Variants in HRAS observed in about 807,000 individuals in gnomAD.
HRAS encodes the protein GTPase HRas.
Under a neutral mutation model 19.8 loss-of-function variants are expected in HRAS, and 11 were observed. That is an observed-to-expected ratio of 0.55 (90% CI 0.35 to 0.92). HRAS has a LOEUF of 0.92. HRAS is among the 40% of genes least tolerant of loss of function. The pLI is 0.01. For synonymous variants in HRAS, 149 were observed against 105.5 expected (o/e 1.41, Z -2.52); for missense variants, 204 against 255.9 (o/e 0.80, Z 1.38).
intron 1 of HRAS, 172 bp from the exon 2 acceptor site, chr11:534,547 G>A (rs1379111991): frequency 1.0e-5 from 6 of 594,228 alleles, no homozygotes; most frequent in Non-Finnish European, 1.8e-5. Context: ...CGTGCGGGAG[G>A]GCTGTCGCCT....
intron 3 of HRAS, 22 bp from the exon 4 acceptor site, chr11:533,634 C>A (rs2133988405): frequency 1.2e-6 from 2 of 1,613,582 alleles, no homozygotes; most frequent in South Asian, 1.1e-5. Flanking sequence ...AAAGCGAGAG[C>A]TGGCTACGGG....
intron 4 of HRAS, 51 bp from the exon 5 acceptor site, chr11:532,806 TG>T: frequency 6.3e-7 from 1 of 1,575,622 alleles, no homozygotes; most frequent in South Asian, 1.1e-5. Context: ...GCCGCCTGCC[TG>T]GGTGAGGGGC....
chr11:534,039 G>GC (rs769056797), intron 2 of HRAS, 95 bp from the exon 3 acceptor site: 57 of 1,380,304 alleles, frequency 4.1e-5, no homozygotes, highest in Admixed American at 1.2e-4. Flanking sequence ...TGCCCCTCAT[G>GC]CCCCCTCCTC....
rs1851439713 is a variant in HRAS, at chr11:535,496, C to T, written c.-134G>A. ...GCGGGGGCGGGGGCGCGCGGTTCGC[C>T]CCGCGCATGGGCTCCGTCCGCGGCG... is the stretch of plus-strand genomic sequence containing the variant. On this transcript the variant is annotated 5_prime_UTR_variant, in exon 1 of 6. Transcript: ENST00000311189. The T allele has an allele frequency of 6.8e-6, 1 of 147,722 alleles. No individual in the cohort carries two copies. The highest frequency in any genetic ancestry group is 2.0e-4 in the East Asian group (1 of 5,090). 9.2% of individuals were successfully genotyped at this position (147,722 alleles called of 1,614,324 possible). A position where few individuals can be genotyped will look rare whatever the true frequency, so the allele number is the denominator to read the frequency against.
chr11:534,773 G>A (rs1247589613), intron 1 of HRAS, among the ~76,000 whole-genome samples: 2 of 152,240 alleles, frequency 1.3e-5, no homozygotes, highest in African/African-American at 4.8e-5. Flanking sequence ...GCAGGCTAGT[G>A]CCAGCCTGCA....
Position 533,958 on chromosome 11 carries a change from G to A in HRAS, c.112-14C>T, listed in dbSNP as rs753906417. The A allele has an allele frequency of 1.2e-6, 2 of 1,608,400 alleles. No homozygotes were observed. Among genetic ancestry groups the A allele is most frequent in the East Asian group, 2.2e-5 (1 of 44,876 alleles). ...CCGGTAGGAATCCTGCAGGAGGACAGGGCTCAGGGACCCCCTCAGGACCTT... is the reference window on the plus strand; with the variant it reads ...CCGGTAGGAATCCTGCAGGAGGACAAGGCTCAGGGACCCCCTCAGGACCTT... On this transcript the variant is annotated splice_polypyrimidine_tract_variant and intron_variant, in intron 2 of 5. Transcript: ENST00000311189.
chr11:533,978 G>A (rs2133992253), intron 2 of HRAS, 34 bp from the exon 3 acceptor site: 2 of 1,601,878 alleles, frequency 1.2e-6, no homozygotes, highest in Non-Finnish European at 1.7e-6. Flanking sequence ...ACCCCCTCAG[G>A]ACCTTCCGTG....
Position 532,339 on chromosome 11 carries a change from T to G in HRAS, c.*189A>C. On this transcript the variant is annotated 3_prime_UTR_variant, in exon 6 of 6. Transcript: ENST00000311189. ...CTAAGGGCTGGGGTTCCGGTGGCAT[T>G]TGGGATGTTCAAGACAGTCTGTGCA... is the stretch of plus-strand genomic sequence containing the variant. 1.9e-6 allele frequency: 1 copy of G among 525,340 alleles called. No individual in the cohort carries two copies. The highest frequency in any genetic ancestry group is 3.5e-6 in the Non-Finnish European group (1 of 289,500). 32.5% of individuals were successfully genotyped at this position (525,340 alleles called of 1,614,324 possible).
rs771774973 is a variant in HRAS, at chr11:533,857, T to C, written c.199A>G (p.Met67Val). The C allele has an allele frequency of 6.2e-7, 1 of 1,613,368 alleles. No homozygotes were observed. The highest frequency in any genetic ancestry group is 8.5e-7 in the Non-Finnish European group (1 of 1,180,002). The change falls in exon 3 of 6, where the codon ATG (methionine) becomes GTG (valine). Residue 67 changes from methionine (M) to valine (V), a missense_variant. Met to Val is a conservative substitution (Grantham distance 21). Transcript: ENST00000311189. ...DTAGQEEYSA[M>V]RDQYMRTGEG... ...CCGGTGCGCATGTACTGGTCCCGCA[T>C]GGCGCTGTACTCCTCCTGGCCGGCG...
chr11:533,026 A>G (rs957559354), intron 4 of HRAS, among the ~76,000 whole-genome samples: 2 of 152,132 alleles, frequency 1.3e-5, no homozygotes, highest in Admixed American at 1.3e-4. Context: ...ACCACCCTGC[A>G]CCCAGCTCTC....
Position 532,635 on chromosome 11 carries a change from G to A in HRAS, c.*1C>T, listed in dbSNP as rs730880327. On this transcript the variant is annotated 3_prime_UTR_variant, in exon 5 of 6. Coordinates refer to ENST00000311189, the MANE Select transcript of HRAS (RefSeq NM_005343.4). Reference sequence around the variant, plus strand: ...CGCCCTGGGAGTCCCCCTCACCTGCGTCAGGAGAGCACACACTTGCAGCTC... The same window carrying A: ...CGCCCTGGGAGTCCCCCTCACCTGCATCAGGAGAGCACACACTTGCAGCTC... The A allele has an allele frequency of 1.8e-5, 29 of 1,610,862 alleles. No individual in the cohort carries two copies. The highest frequency in any genetic ancestry group is 3.3e-5 in the Admixed American group (2 of 59,974).
At chr11:533,353 G>C (rs1310647370) in intron 4 of HRAS, 100 bp downstream of exon 4, 1 of 1,606,254 alleles carries the variant, frequency 6.2e-7, no homozygotes, top group Non-Finnish European at 8.5e-7. Flanking sequence ...AGCCAGAGCG[G>C]CTGCCCTGTG....
At position 532,355 on chromosome 11, in the gene HRAS, A is replaced by G; in HGVS notation, c.*173T>C. 1 of 558,024 alleles carries G rather than the reference A, an allele frequency of 1.8e-6. No individual in the cohort carries two copies. The highest frequency in any genetic ancestry group is 3.2e-6 in the Non-Finnish European group (1 of 309,640). The allele number at this position is 558,024 out of a possible 1,614,324, so 34.6% of individuals were successfully genotyped here. A position where few individuals can be genotyped will look rare whatever the true frequency, so the allele number is the denominator to read the frequency against. On this transcript the variant is annotated 3_prime_UTR_variant, in exon 6 of 6. Coordinates refer to ENST00000311189, the MANE Select transcript of HRAS (RefSeq NM_005343.4). ...CGGTGGCATTTGGGATGTTCAAGAC[A>G]GTCTGTGCACAGCCTCCCTGGGAGG...
chr11:535,288 A>G (rs1015544858), intron 1 of HRAS, 128 bp downstream of exon 1: 1 of 52,960 alleles, frequency 1.9e-5, no homozygotes, highest in African/African-American at 8.1e-5. Flanking sequence ...GGCCCCACCC[A>G]CCCGCCGCCG....
intron 4 of HRAS, chr11:533,159 G>A (rs1209425410): frequency 2.1e-6 from 2 of 932,706 alleles, no homozygotes; most frequent in Non-Finnish European, 1.6e-6. Flanking sequence ...CTGGCTCAGG[G>A]CAGCTCTCCC....
chr11:534,074 T>C (rs1851300240), intron 2 of HRAS, 130 bp from the exon 3 acceptor site: 1 of 1,180,608 alleles, frequency 8.5e-7, no homozygotes, highest in Admixed American at 1.8e-5. Flanking sequence ...GACGAGGGAC[T>C]CCCCTCCTCT....
Position 533,863 on chromosome 11 carries a change from TGTACTCCTCCTGGCCGGCG to T in HRAS, c.174_192del (p.Gly60ProfsTer38), listed in dbSNP as rs878854757. Reference sequence around the variant, plus strand: ...CGCATGTACTGGTCCCGCATGGCGCTGTACTCCTCCTGGCCGGCGGTATCCAGGATGTCCAACAGGCACG... The same window carrying T: ...CGCATGTACTGGTCCCGCATGGCGCTGTATCCAGGATGTCCAACAGGCACG... On this transcript the variant is annotated frameshift_variant, in exon 3 of 6. Coordinates refer to ENST00000311189, the MANE Select transcript of HRAS (RefSeq NM_005343.4). LOFTEE classifies it high-confidence loss of function. The T allele has an allele frequency of 2.5e-6, 4 of 1,613,326 alleles. No homozygotes were observed. Among genetic ancestry groups the T allele is most frequent in the Non-Finnish European group, 3.4e-6 (4 of 1,179,986 alleles).
In HRAS at chr11:532,743, C is replaced by T. The variant is rs1171537215; in HGVS notation, c.463G>A (p.Ala155Thr). 1 of 1,612,784 alleles carries T rather than the reference C, an allele frequency of 6.2e-7. No homozygotes were observed. The highest frequency in any genetic ancestry group is 8.5e-7 in the Non-Finnish European group (1 of 1,180,014). Residue 155 changes from alanine to threonine, a missense_variant, in exon 5 of 6, where the codon GCC (alanine) becomes ACC (threonine). Coordinates refer to ENST00000311189, the MANE Select transcript of HRAS (RefSeq NM_005343.4). ...ATCTCACGCACCAACGTGTAGAAGG[C>T]ATCCTCCACTCCCTGGGAAAGGAGG... ...SAKTRQGVED[A>T]FYTLVREIRQ...
chr11:534,481 C>A (rs1295470179), intron 1 of HRAS, 106 bp from the exon 2 acceptor site: 7 of 632,760 alleles, frequency 1.1e-5, no homozygotes, highest in Admixed American at 2.7e-5. Context: ...GGTCCCTGGG[C>A]CCCAACGCCA....
Sources: gnomAD v4.1 joint callset for allele counts (sites outside exome capture counted in the v4.1 genomes callset) on GRCh38, gnomAD v4.1.1 for gene constraint, MANE v1.5 for transcripts, NCBI Gene and HGNC (gene_info 2026-07-23, HGNC 2026-07-21) for gene names.